The following GRIN3A variants were observed in gnomAD, a reference collection of about 807,000 sequenced individuals.
GRIN3A encodes the protein glutamate ionotropic receptor NMDA type subunit 3A.
Under a neutral mutation model 92.4 loss-of-function variants are expected in GRIN3A, and 47 were observed. That is an observed-to-expected ratio of 0.51 (90% confidence interval 0.40 to 0.65). The LOEUF is 0.65. GRIN3A is among the 30% of genes least tolerant of loss of function. GRIN3A has a pLI of 0.00. For synonymous variants in GRIN3A, 527 were observed against 540.6 expected (o/e 0.97, Z 0.35); for missense variants, 1,324 against 1,393.1 (o/e 0.95, Z 0.79).
At chr9:101,663,321 C>T (rs1829199709) in intron 3 of GRIN3A, among the ~76,000 whole-genome samples, 1 of 151,866 alleles carries the variant, frequency 6.6e-6, no homozygotes, top group South Asian at 2.1e-4. Flanking sequence ...TTTATGTGCT[C>T]CTTTGATTAA....
intron 5 of GRIN3A, among the ~76,000 whole-genome samples, chr9:101,619,433 A>C (rs919937332): frequency 1.3e-5 from 2 of 152,230 alleles, no homozygotes; most frequent in African/African-American, 4.8e-5. Context: ...GTCTCAATGC[A>C]TTAATCAATA....
intron 3 of GRIN3A, among the ~76,000 whole-genome samples, chr9:101,662,720 CT>C (rs1401430124): frequency 1.3e-5 from 2 of 151,742 alleles, no homozygotes; most frequent in Admixed American, 1.3e-4. Context: ...ATTTTGACAT[CT>C]TTAAGTATTC....
intron 6 of GRIN3A, among the ~76,000 whole-genome samples, chr9:101,613,063 A>G (rs1049967578): frequency 1.3e-5 from 2 of 152,214 alleles, no homozygotes; most frequent in African/African-American, 4.8e-5. Flanking sequence ...GTTCATGTCA[A>G]TCTCAGATAC....
Position 101,572,617 on chromosome 9 carries a change from C to G in GRIN3A, c.*557G>C, listed in dbSNP as rs1225910861. 1.2e-5 allele frequency: 2 copies of G among 163,400 alleles called. No individual in the cohort carries two copies. Among genetic ancestry groups the G allele is most frequent in the Admixed American group, 5.6e-5 (1 of 18,006 alleles). The allele number at this position is 163,400 out of a possible 1,614,324, so 10.1% of individuals were successfully genotyped here. On this transcript the variant is annotated 3_prime_UTR_variant, in exon 9 of 9. Transcript: ENST00000361820. ...ATGGCTCTTGCCTGGTCCAATCAAT[C>G]CTTGACGTTTATGATACTAATGAGT...
intron 3 of GRIN3A, among the ~76,000 whole-genome samples, chr9:101,634,786 G>C (rs974112563): frequency 6.6e-6 from 1 of 152,056 alleles, no homozygotes; most frequent in Non-Finnish European, 1.5e-5. Flanking sequence ...ATTTATTATA[G>C]TTGTGATCAT....
chr9:101,685,983 C>A (rs1035956352), intron 2 of GRIN3A, among the ~76,000 whole-genome samples: 1 of 152,032 alleles, frequency 6.6e-6, no homozygotes, highest in African/African-American at 2.4e-5. Context: ...AGTGGCAGTG[C>A]TAAACTTCAA....
intron 3 of GRIN3A, among the ~76,000 whole-genome samples, chr9:101,635,077 A>G (rs1027697919): frequency 6.6e-6 from 1 of 152,144 alleles, no homozygotes; most frequent in Non-Finnish European, 1.5e-5. Flanking sequence ...TGCTTCCTCC[A>G]TTTAAATTTA....
At chr9:101,617,205 T>TAAAAAAAAAAAAA (rs61141843) in intron 5 of GRIN3A, among the ~76,000 whole-genome samples, 1 of 107,194 alleles carries the variant, frequency 9.3e-6, no homozygotes, top group African/African-American at 3.4e-5. Context: ...AGACTCCGTC[T>TAAAAAAAAAAAAA]AAAAAAAAAA....
chr9:101,701,333 T>C (rs921130030), intron 1 of GRIN3A, among the ~76,000 whole-genome samples: 2 of 152,164 alleles, frequency 1.3e-5, no homozygotes, highest in African/African-American at 4.8e-5. Context: ...GTATTAAGTC[T>C]AGTACCCATT....
intron 2 of GRIN3A, among the ~76,000 whole-genome samples, chr9:101,686,044 T>C (rs747016318): frequency 2.0e-5 from 3 of 152,262 alleles, no homozygotes; most frequent in Non-Finnish European, 4.4e-5. Context: ...TACTACTCTA[T>C]ACTGTCTTAA....
At chr9:101,653,981 T>C (rs1340732675) in intron 3 of GRIN3A, among the ~76,000 whole-genome samples, 3 of 151,868 alleles carry the variant, frequency 2.0e-5, no homozygotes, top group Non-Finnish European at 4.4e-5. Context: ...TTAGGAGCTC[T>C]TTCTGGGCTT....
intron 2 of GRIN3A, among the ~76,000 whole-genome samples, chr9:101,678,919 T>C (rs1829434094): frequency 6.6e-6 from 1 of 152,204 alleles, no homozygotes; most frequent in Non-Finnish European, 1.5e-5. Context: ...TCATTGTCCT[T>C]ACCTTTTGCT....
intron 6 of GRIN3A, among the ~76,000 whole-genome samples, chr9:101,582,249 G>A (rs1327760878): frequency 1.3e-5 from 2 of 152,138 alleles, no homozygotes; most frequent in Non-Finnish European, 2.9e-5. Context: ...CAGAAGAAAA[G>A]GTCGGAGATT....
At chr9:101,700,111 T>C (rs1829735442) in intron 1 of GRIN3A, among the ~76,000 whole-genome samples, 1 of 152,176 alleles carries the variant, frequency 6.6e-6, no homozygotes, top group South Asian at 2.1e-4. Context: ...AGTCTACTCA[T>C]CTCTCTCCTT....
chr9:101,661,238 G>C (rs935158874), intron 3 of GRIN3A, among the ~76,000 whole-genome samples: 11 of 151,800 alleles, frequency 7.2e-5, no homozygotes, highest in African/African-American at 2.7e-4. Flanking sequence ...ATTGTCTCAT[G>C]TCTGAAATAT....
chr9:101,646,924 A>C (rs1828945306), intron 3 of GRIN3A, among the ~76,000 whole-genome samples: 1 of 100,730 alleles, frequency 9.9e-6, no homozygotes, highest in Non-Finnish European at 1.9e-5. Flanking sequence ...TTCTAAATAT[A>C]AAAAAAAATC....
intron 6 of GRIN3A, among the ~76,000 whole-genome samples, chr9:101,609,398 A>G (rs1378997578): frequency 6.6e-6 from 1 of 152,230 alleles, no homozygotes; most frequent in Non-Finnish European, 1.5e-5. Flanking sequence ...TTATTCTTAG[A>G]ACAAAATGGG....
chr9:101,624,695 G>A (rs1474278839), intron 4 of GRIN3A, among the ~76,000 whole-genome samples: 2 of 152,144 alleles, frequency 1.3e-5, no homozygotes, highest in Non-Finnish European at 2.9e-5. Flanking sequence ...ACATGTGCAT[G>A]TGTCTTTATA....
At chr9:101,724,245 C>T (rs1208117085) in intron 1 of GRIN3A, among the ~76,000 whole-genome samples, 1 of 152,202 alleles carries the variant, frequency 6.6e-6, no homozygotes, top group Non-Finnish European at 1.5e-5. Context: ...GGCTGCAGGT[C>T]CCAGGCCCTG....
Sources: gnomAD v4.1 joint callset for allele counts (sites outside exome capture counted in the v4.1 genomes callset) on GRCh38, gnomAD v4.1.1 for gene constraint, MANE v1.5 for transcripts, NCBI Gene and HGNC (gene_info 2026-07-23, HGNC 2026-07-21) for gene names.